Variants in ANO6 observed in about 807,000 individuals in gnomAD.
ANO6 encodes the protein anoctamin-6.
In ANO6, 106 loss-of-function variants were observed where a neutral mutation model predicts 117.5. The observed-to-expected ratio is 0.90, with a 90% CI of 0.77 to 1.06. ANO6 has a LOEUF of 1.06. ANO6 is among the 50% of genes least tolerant of loss of function. ANO6 has a pLI of 0.00. For synonymous variants in ANO6, 367 were observed against 385.1 expected (o/e 0.95, Z 0.55); for missense variants, 955 against 1,121.1 (o/e 0.85, Z 2.12).
chr12:45,318,540 T>A (rs1189918008), intron 2 of ANO6, among the ~76,000 whole-genome samples: 3 of 152,216 alleles, frequency 2.0e-5, no homozygotes, highest in African/African-American at 7.2e-5. Context: ...TGTAGTATAG[T>A]TTGAAGTCAG....
chr12:45,263,657 A>G (rs57560057), intron 1 of ANO6, among the ~76,000 whole-genome samples: 7,530 of 152,164 alleles, frequency 0.049, 451 homozygotes, highest in East Asian at 0.32. Flanking sequence ...CTCTGGCAGG[A>G]TTACATGAAG....
intron 2 of ANO6, among the ~76,000 whole-genome samples, chr12:45,302,595 C>T (rs1273557083): frequency 2.0e-5 from 3 of 152,114 alleles, no homozygotes; most frequent in African/African-American, 4.8e-5. Context: ...GAACTAAATG[C>T]TCCCATTAAA....
chr12:45,224,881 TAAA>T (rs1319456217), intron 1 of ANO6, among the ~76,000 whole-genome samples: 5 of 152,244 alleles, frequency 3.3e-5, no homozygotes, highest in South Asian at 2.1e-4. Flanking sequence ...AGGGAGATTA[TAAA>T]GGATTAAGAA....
At chr12:45,378,778 T>C (rs1942096313) in intron 10 of ANO6, among the ~76,000 whole-genome samples, 1 of 152,098 alleles carries the variant, frequency 6.6e-6, no homozygotes, top group Non-Finnish European at 1.5e-5. Context: ...GGGGTGGAGA[T>C]CAGGAGGAAG....
intron 10 of ANO6, among the ~76,000 whole-genome samples, chr12:45,378,843 G>A (rs965214977): frequency 1.3e-5 from 2 of 152,056 alleles, no homozygotes; most frequent in South Asian, 2.1e-4. Context: ...CTATGTGAGC[G>A]GATATTTAAT....
chr12:45,291,346 C>CAAAAAA (rs747924513), intron 1 of ANO6, among the ~76,000 whole-genome samples: 8 of 48,180 alleles, frequency 1.7e-4, no homozygotes, highest in Admixed American at 2.3e-4. Context: ...AACTCCGTCT[C>CAAAAAA]AAAAAAAAAA....
intron 2 of ANO6, among the ~76,000 whole-genome samples, chr12:45,327,985 G>A (rs1013824508): frequency 1.5e-4 from 23 of 152,194 alleles, no homozygotes; most frequent in African/African-American, 5.5e-4. Context: ...AGTGTGACTT[G>A]TACAAAAATC....
chr12:45,327,171 A>G (rs960920311), intron 2 of ANO6, among the ~76,000 whole-genome samples: 1 of 152,090 alleles, frequency 6.6e-6, no homozygotes, highest in African/African-American at 2.4e-5. Context: ...GCACTCCACA[A>G]AAAAAAAGAG....
chr12:45,351,228 A>T (rs1941272180), intron 7 of ANO6, among the ~76,000 whole-genome samples: 1 of 152,256 alleles, frequency 6.6e-6, no homozygotes, highest in Non-Finnish European at 1.5e-5. Context: ...AGGAACTGGG[A>T]TGCAGACCCA....
At chr12:45,421,480 A>G (rs1297528184) in intron 18 of ANO6, among the ~76,000 whole-genome samples, 1 of 152,178 alleles carries the variant, frequency 6.6e-6, no homozygotes, top group African/African-American at 2.4e-5. Context: ...AAATGTATAT[A>G]TATGTATATT....
At chr12:45,382,743 T>C (rs1023204598) in intron 10 of ANO6, among the ~76,000 whole-genome samples, 3 of 152,166 alleles carry the variant, frequency 2.0e-5, no homozygotes, top group African/African-American at 7.2e-5. Flanking sequence ...GTCTAGTGAG[T>C]GTGCATAGCA....
chr12:45,371,756 G>A (rs1482947032), intron 9 of ANO6, among the ~76,000 whole-genome samples: 1 of 152,190 alleles, frequency 6.6e-6, no homozygotes, highest in African/African-American at 2.4e-5. Context: ...CCACAAAGAT[G>A]GGGGAAAAAC....
chr12:45,330,246 G>T (rs1303650834), intron 2 of ANO6, among the ~76,000 whole-genome samples: 1 of 152,116 alleles, frequency 6.6e-6, no homozygotes, highest in Non-Finnish European at 1.5e-5. Flanking sequence ...TTTCATATAA[G>T]TATCAAAAAA....
At chr12:45,439,647 CTT>C (rs34144696) in intron 19 of ANO6, 64,571 of 1,065,980 alleles carry the variant, frequency 0.061, 4 homozygotes, top group East Asian at 0.1. Context: ...GATTTAATTG[CTT>C]TTTTTTTTTT....
At chr12:45,415,149 T>C (rs1038302552) in intron 16 of ANO6, among the ~76,000 whole-genome samples, 2 of 152,182 alleles carry the variant, frequency 1.3e-5, no homozygotes, top group Non-Finnish European at 2.9e-5. Flanking sequence ...AAAAATTTGA[T>C]ATGTCCCTGA....
intron 1 of ANO6, among the ~76,000 whole-genome samples, chr12:45,217,285 A>T (rs997705641): frequency 2.6e-5 from 4 of 152,152 alleles, no homozygotes; most frequent in Admixed American, 1.3e-4. Context: ...TAAATTACCA[A>T]GCCAGTCTGT....
Position 45,345,622 on chromosome 12 carries a change from A to T in ANO6, c.280-1400A>T, listed in dbSNP as rs1413685054. On this transcript the variant is annotated intron_variant, in intron 3 of 19. Transcript: ENST00000320560. ...ATGAAAATTCTACTTCATGTGCTTTATGTAGTTTAAATCATATCTTCACAA... is the reference window on the plus strand; with the variant it reads ...ATGAAAATTCTACTTCATGTGCTTTTTGTAGTTTAAATCATATCTTCACAA... Among the ~76,000 whole-genome samples, 4 of 152,214 alleles carry T rather than the reference A, an allele frequency of 2.6e-5. No individual in the cohort carries two copies. The East Asian group carries it at 7.7e-4, about 29-fold the overall frequency.
chr12:45,336,902 C>A (rs1443844319), intron 3 of ANO6, among the ~76,000 whole-genome samples: 1 of 151,920 alleles, frequency 6.6e-6, no homozygotes, highest in African/African-American at 2.4e-5. Context: ...CTGTTCCTGC[C>A]CCTGAAGACC....
At chr12:45,388,418 A>G (rs1942358331) in intron 11 of ANO6, 115 bp downstream of exon 11, 2 of 1,300,442 alleles carry the variant, frequency 1.5e-6, no homozygotes, top group Admixed American at 1.7e-5. Flanking sequence ...CCTGAGTTCC[A>G]TCACTACATA....
Sources: allele counts gnomAD v4.1 joint callset (sites outside exome capture counted in the v4.1 genomes callset), GRCh38; gene constraint gnomAD v4.1.1; transcripts MANE v1.5; gene names NCBI Gene and HGNC (gene_info 2026-07-23, HGNC 2026-07-21).